The following ZMAT4 variants were observed in gnomAD, a reference collection of about 807,000 sequenced individuals.
ZMAT4 encodes zinc finger matrin-type 4, also known as zinc finger matrin-type protein 4.
ZMAT4 carries 17 observed loss-of-function variants against 28.7 expected under a neutral mutation model. The ratio of observed to expected loss-of-function variants is 0.59; its 90% confidence interval spans 0.41 to 0.89. ZMAT4 has a LOEUF of 0.89. Ranked by LOEUF, ZMAT4 falls within the 40% of genes least tolerant of loss-of-function variation. The pLI is 0.00. For missense variants in ZMAT4, 240 were observed against 283.8 expected (o/e 0.85, Z 1.11); for synonymous variants, 117 against 109.2 (o/e 1.07, Z -0.44).
intron 3 of ZMAT4, among the ~76,000 whole-genome samples, chr8:40,698,581 G>A (rs1809995787): frequency 6.6e-6 from 1 of 152,216 alleles, no homozygotes. Context: ...AAATTGGATG[G>A]TGAGGAGGAT....
intron 1 of ZMAT4, among the ~76,000 whole-genome samples, chr8:40,859,125 A>G (rs1203142143): frequency 6.6e-6 from 1 of 152,142 alleles, no homozygotes; most frequent in Non-Finnish European, 1.5e-5. Flanking sequence ...GACCTCAGCA[A>G]CTTCAGAAGG....
At position 40,627,562 on chromosome 8, in the gene ZMAT4, C is replaced by A. The variant is rs74665735; in HGVS notation, c.578-46301G>T. On this transcript the variant is annotated intron_variant, in intron 5 of 6. Coordinates refer to ENST00000297737, the MANE Select transcript of ZMAT4 (RefSeq NM_024645.3). ...TTTATTAACAATATCATAATTCAAC[C>A]TATGATTTGAATTATAATTTTTCTA... is the stretch of plus-strand genomic sequence containing the variant. 3.3e-3 allele frequency among the ~76,000 whole-genome samples: 497 copies of A among 152,188 alleles called. 2 individuals are homozygous for A. Among genetic ancestry groups the A allele is most frequent in the South Asian group, 0.012 (60 of 4,820 alleles).
chr8:40,834,405 A>G (rs1197378282), intron 1 of ZMAT4, among the ~76,000 whole-genome samples: 1 of 152,172 alleles, frequency 6.6e-6, no homozygotes, highest in Non-Finnish European at 1.5e-5. Flanking sequence ...GCCCAGCCCA[A>G]GGCTTCAGAT....
chr8:40,532,093 T>A lies in ZMAT4; in HGVS notation c.*130A>T. ...TTTCCAAAAATCAAGATCAGTCGTA[T>A]GTGAATCTGTGAATCCTTATAAGAA... On this transcript the variant is annotated 3_prime_UTR_variant, in exon 7 of 7. Transcript: ENST00000297737. 2.5e-6 allele frequency: 2 copies of A among 790,384 alleles called. No homozygotes were observed. The highest frequency in any genetic ancestry group is 3.6e-6 in the Non-Finnish European group (2 of 551,322). The allele number at this position is 790,384 out of a possible 1,614,324, so 49.0% of individuals were successfully genotyped here. A position where few individuals can be genotyped will look rare whatever the true frequency, so the allele number is the denominator to read the frequency against.
intron 6 of ZMAT4, among the ~76,000 whole-genome samples, chr8:40,547,292 T>C (rs1201568879): frequency 6.6e-6 from 1 of 152,202 alleles, no homozygotes; most frequent in African/African-American, 2.4e-5. Context: ...ATGGTGTTTG[T>C]TTCCTCTCTA....
intron 3 of ZMAT4, among the ~76,000 whole-genome samples, chr8:40,729,156 A>G (rs12681899): frequency 0.28 from 42,547 of 152,110 alleles, 6,934 homozygotes; most frequent in East Asian, 0.56. Flanking sequence ...TTCCACTGGT[A>G]AGAACTAGTA....
intron 1 of ZMAT4, among the ~76,000 whole-genome samples, chr8:40,874,994 C>T (rs1040278615): frequency 3.9e-5 from 6 of 152,164 alleles, no homozygotes; most frequent in Admixed American, 1.3e-4. Flanking sequence ...GGTGAAAGCC[C>T]CCCCAAAATG....
chr8:40,616,080 AT>A (rs1301445480), intron 5 of ZMAT4, among the ~76,000 whole-genome samples: 1 of 152,260 alleles, frequency 6.6e-6, no homozygotes, highest in African/African-American at 2.4e-5. Context: ...GGCAAAGGAT[AT>A]GAACAGACAC....
At chr8:40,682,306 G>A (rs1682462134) in intron 4 of ZMAT4, among the ~76,000 whole-genome samples, 1 of 152,196 alleles carries the variant, frequency 6.6e-6, no homozygotes, top group South Asian at 2.1e-4. Context: ...TATTTGCAAT[G>A]CTTTATTATT....
chr8:40,647,600 T>C (rs1170266784), intron 5 of ZMAT4, among the ~76,000 whole-genome samples: 3 of 152,162 alleles, frequency 2.0e-5, no homozygotes, highest in African/African-American at 7.2e-5. Flanking sequence ...TGCCTGTCTC[T>C]GTAGGCTCCA....
chr8:40,861,585 A>G (rs1817495755), intron 1 of ZMAT4, among the ~76,000 whole-genome samples: 1 of 152,250 alleles, frequency 6.6e-6, no homozygotes, highest in African/African-American at 2.4e-5. Flanking sequence ...GCATCCAATT[A>G]AAGAGCTTCT....
At chr8:40,575,013 C>G (rs965627150) in intron 6 of ZMAT4, among the ~76,000 whole-genome samples, 2 of 152,158 alleles carry the variant, frequency 1.3e-5, no homozygotes, top group African/African-American at 4.8e-5. Context: ...TTCTGGGGAG[C>G]TGATAGCCAC....
chr8:40,828,060 G>C (rs1219844156), intron 1 of ZMAT4, among the ~76,000 whole-genome samples: 4 of 152,138 alleles, frequency 2.6e-5, no homozygotes, highest in African/African-American at 9.7e-5. Flanking sequence ...TCAAAAGCAA[G>C]ACCAAGAACA....
chr8:40,886,601 G>C (rs1818458816), intron 1 of ZMAT4, among the ~76,000 whole-genome samples: 1 of 152,114 alleles, frequency 6.6e-6, no homozygotes, highest in Non-Finnish European at 1.5e-5. Context: ...CTTTCTTTCT[G>C]GTTTGTGTCT....
intron 5 of ZMAT4, among the ~76,000 whole-genome samples, chr8:40,614,935 A>C (rs1805942886): frequency 6.6e-6 from 1 of 152,112 alleles, no homozygotes; most frequent in Non-Finnish European, 1.5e-5. Context: ...ATTTAAGGTT[A>C]ATATTGTTAT....
At chr8:40,655,388 C>G (rs1807870571) in intron 5 of ZMAT4, among the ~76,000 whole-genome samples, 1 of 151,774 alleles carries the variant, frequency 6.6e-6, no homozygotes, top group Non-Finnish European at 1.5e-5. Context: ...TCAAAATTAT[C>G]TACAGAGTCA....
chr8:40,748,987 A>G (rs545612736), intron 3 of ZMAT4, among the ~76,000 whole-genome samples: 1 of 152,110 alleles, frequency 6.6e-6, no homozygotes, highest in African/African-American at 2.4e-5. Context: ...GTGGAAGCGC[A>G]TAAGTCTCAT....
intron 2 of ZMAT4, among the ~76,000 whole-genome samples, chr8:40,813,825 A>C (rs1041740727): frequency 1.3e-5 from 2 of 152,244 alleles, no homozygotes; most frequent in Admixed American, 1.3e-4. Context: ...AAGTTGGGGA[A>C]TGGCATAGCC....
chr8:40,633,064 G>T (rs1050773160), intron 5 of ZMAT4, among the ~76,000 whole-genome samples: 2 of 152,062 alleles, frequency 1.3e-5, no homozygotes, highest in African/African-American at 4.8e-5. Flanking sequence ...TTCCAGGGCT[G>T]GGAGGGTAGG....
Sources: gnomAD v4.1 joint callset for allele counts (sites outside exome capture counted in the v4.1 genomes callset) on GRCh38, gnomAD v4.1.1 for gene constraint, MANE v1.5 for transcripts, NCBI Gene and HGNC (gene_info 2026-07-23, HGNC 2026-07-21) for gene names.